The following HLCS variants were observed in gnomAD, a reference collection of about 807,000 sequenced individuals.
HLCS encodes the protein biotin--protein ligase.
In HLCS, 53 loss-of-function variants were observed where a neutral mutation model predicts 75.0. The ratio of observed to expected loss-of-function variants is 0.71; its 90% CI spans 0.57 to 0.89. The LOEUF (loss-of-function observed/expected upper bound fraction) is 0.89, where lower values mean the gene tolerates loss of function less well. Ranked by LOEUF, HLCS falls within the 40% of genes least tolerant of loss-of-function variation. The probability of loss-of-function intolerance (pLI) is 0.00; values close to 1 mark genes in which losing one functional copy is unlikely to be tolerated. For missense variants in HLCS, 966 were observed against 1,074.0 expected (o/e 0.90, Z 1.41); for synonymous variants, 431 against 428.6 (o/e 1.01, Z -0.07).
Position 36,752,077 on chromosome 21 carries a change from A to G in HLCS, c.*2169T>C, listed in dbSNP as rs2089388897. 6.6e-6 allele frequency: 1 copy of G among 152,640 alleles called. No individual in the cohort carries two copies. The highest frequency in any genetic ancestry group is 2.4e-5 in the African/African-American group (1 of 41,452). The allele number at this position is 152,640 out of a possible 1,614,324, so 9.5% of individuals were successfully genotyped here. ...TCAGTAAAATGCCTTTATTCAGCTA[A>G]TTCTATAGAAGCGGAGTTTTGAGAG... On this transcript the variant is annotated 3_prime_UTR_variant, in exon 11 of 11. Transcript: ENST00000674895.
intron 7 of HLCS, among the ~76,000 whole-genome samples, chr21:36,765,538 G>A (rs1344704134): frequency 6.6e-6 from 1 of 152,220 alleles, no homozygotes; most frequent in African/African-American, 2.4e-5. Context: ...ACTGATCCAT[G>A]AGAGGTCCTG....
chr21:36,877,632 A>G (rs544045962), intron 6 of HLCS, among the ~76,000 whole-genome samples: 1 of 152,254 alleles, frequency 6.6e-6, no homozygotes, highest in South Asian at 2.1e-4. Context: ...AGGTAGATAT[A>G]TGTGTGTTGG....
rs939205316 is a variant in HLCS, at chr21:36,855,862, G to A, written c.1892+40998C>T. 1.3e-4 allele frequency among the ~76,000 whole-genome samples: 20 copies of A among 152,314 alleles called. 1 individual carries two copies. The highest frequency in any genetic ancestry group is 1.2e-3 in the South Asian group (6 of 4,828). ...CAAAGTGCTGGGATTACAGGTGTAA[G>A]CTCACACACCTGGCCCAAAATATTT... On this transcript the variant is annotated intron_variant, in intron 6 of 10. Transcript: ENST00000674895.
At chr21:36,989,417 G>A (rs1036616031) in intron 1 of HLCS, among the ~76,000 whole-genome samples, 1 of 146,204 alleles carries the variant, frequency 6.8e-6, no homozygotes, top group Non-Finnish European at 1.5e-5. Context: ...TCCACCTCCC[G>A]AGTTCAAGTG....
chr21:36,868,750 G>A (rs185661905), intron 6 of HLCS, among the ~76,000 whole-genome samples: 18 of 152,206 alleles, frequency 1.2e-4, no homozygotes, highest in Admixed American at 3.3e-4. Flanking sequence ...TTGTCCCCAC[G>A]GAGCGTTGTA....
At chr21:36,780,669 A>G (rs960309782) in intron 6 of HLCS, among the ~76,000 whole-genome samples, 12 of 152,128 alleles carry the variant, frequency 7.9e-5, no homozygotes, top group African/African-American at 2.7e-4. Flanking sequence ...TGCTGGAGGT[A>G]TATCTTCAGG....
At chr21:36,759,653 G>A in intron 9 of HLCS, 74 bp downstream of exon 9, 1 of 856,952 alleles carries the variant, frequency 1.2e-6, no homozygotes, top group Admixed American at 1.7e-5. Context: ...GCCAATGTAG[G>A]CATGCATAAA....
rs35614243 is a variant in HLCS, at chr21:36,978,498, C to CAAA, written c.-393+11657_-393+11659dup. 2.8e-3 allele frequency among the ~76,000 whole-genome samples: 385 copies of CAAA among 138,730 alleles called. 2 individuals are homozygous for CAAA. Among genetic ancestry groups the CAAA allele is most frequent in the Non-Finnish European group, 3.7e-3 (236 of 63,658 alleles). The allele number at this position is 138,730 out of a possible 152,430, so 91.0% of individuals were successfully genotyped here. A position where few individuals can be genotyped will look rare whatever the true frequency, so the allele number is the denominator to read the frequency against. On this transcript the variant is annotated intron_variant, in intron 1 of 11. Transcript: ENST00000336648. Reference sequence around the variant, plus strand: ...GACAGAGCAAGACTCCCACCTCAAACAAAAAAAAAAAAAGAAAATTAAGAA... The same window carrying CAAA: ...GACAGAGCAAGACTCCCACCTCAAACAAAAAAAAAAAAAAAAGAAAATTAAGAA...
At chr21:36,862,100 T>C (rs2063399732) in intron 6 of HLCS, among the ~76,000 whole-genome samples, 1 of 152,276 alleles carries the variant, frequency 6.6e-6, no homozygotes, top group Admixed American at 6.5e-5. Context: ...TCAAGGTTCA[T>C]CCATGGTACA....
At chr21:36,883,455 C>A (rs923797144) in intron 6 of HLCS, among the ~76,000 whole-genome samples, 2 of 152,184 alleles carry the variant, frequency 1.3e-5, no homozygotes, top group Admixed American at 1.3e-4. Flanking sequence ...TATCTGCACA[C>A]CCCATGTGTC....
intron 6 of HLCS, among the ~76,000 whole-genome samples, chr21:36,860,351 A>C (rs1161568349): frequency 6.7e-6 from 1 of 149,910 alleles, no homozygotes; most frequent in East Asian, 1.9e-4. Context: ...CCCTCCAGGA[A>C]GCCACACCCC....
Position 36,764,329 on chromosome 21 carries a change from G to A in HLCS, c.2121+683C>T, listed in dbSNP as rs905476623. 4.6e-5 allele frequency among the ~76,000 whole-genome samples: 7 copies of A among 152,308 alleles called. No homozygotes were observed. The East Asian group carries it at 9.6e-4, about 21-fold the overall frequency. ...GGGGAATTGCTTGAACCCTGGAGGC[G>A]GAGATTGCAGTGAGCCGAGATGGCG... On this transcript the variant is annotated intron_variant, in intron 8 of 10. Coordinates refer to ENST00000674895, the MANE Select transcript of HLCS (RefSeq NM_001352514.2).
At chr21:36,907,146 C>G (rs1435458614) in intron 5 of HLCS, among the ~76,000 whole-genome samples, 1 of 152,130 alleles carries the variant, frequency 6.6e-6, no homozygotes, top group Non-Finnish European at 1.5e-5. Flanking sequence ...ACCTTGATCT[C>G]TATCTCACAT....
chr21:36,816,444 T>C (rs1169409804), intron 6 of HLCS, among the ~76,000 whole-genome samples: 1 of 152,000 alleles, frequency 6.6e-6, no homozygotes, highest in Admixed American at 6.6e-5. Context: ...GGGGATAAAC[T>C]TAATAACGTA....
At chr21:36,871,515 T>A (rs903337223) in intron 6 of HLCS, among the ~76,000 whole-genome samples, 1 of 152,114 alleles carries the variant, frequency 6.6e-6, no homozygotes, top group Non-Finnish European at 1.5e-5. Flanking sequence ...GACACATCCA[T>A]GCAACAAGGG....
At chr21:36,972,687 A>G (rs558211414) in intron 1 of HLCS, among the ~76,000 whole-genome samples, 7 of 152,290 alleles carry the variant, frequency 4.6e-5, no homozygotes, top group African/African-American at 1.7e-4. Flanking sequence ...ATCTATGCAT[A>G]TTTTTGGTCT....
intron 5 of HLCS, among the ~76,000 whole-genome samples, chr21:36,915,058 G>A (rs925707300): frequency 1.3e-5 from 2 of 152,156 alleles, no homozygotes; most frequent in African/African-American, 2.4e-5. Flanking sequence ...CCTTCCTTCT[G>A]ATGCTGACAT....
intron 6 of HLCS, among the ~76,000 whole-genome samples, chr21:36,787,276 C>T (rs368356785): frequency 2.8e-4 from 43 of 152,150 alleles, no homozygotes; most frequent in East Asian, 1.2e-3. Flanking sequence ...CACCGTGGGA[C>T]GAGGCACCTC....
At chr21:36,917,070 G>A (rs1456693637) in intron 5 of HLCS, among the ~76,000 whole-genome samples, 1 of 152,124 alleles carries the variant, frequency 6.6e-6, no homozygotes, top group Non-Finnish European at 1.5e-5. Flanking sequence ...TATAGGGTTG[G>A]TGTATGACTC....
Sources: allele counts gnomAD v4.1 joint callset (sites outside exome capture counted in the v4.1 genomes callset), GRCh38; gene constraint gnomAD v4.1.1; transcripts MANE v1.5; gene names NCBI Gene and HGNC (gene_info 2026-07-23, HGNC 2026-07-21).